The following BCAS3 variants were observed in gnomAD, a reference collection of about 807,000 sequenced individuals.
BCAS3 encodes BCAS3 microtubule associated cell migration factor.
Under a neutral mutation model 116.1 loss-of-function variants are expected in BCAS3, and 53 were observed. That is an observed-to-expected ratio of 0.46 (90% CI 0.37 to 0.57). BCAS3 has a LOEUF of 0.57. Ranked by LOEUF, BCAS3 falls within the 20% of genes least tolerant of loss-of-function variation. BCAS3 has a pLI of 0.00. For missense variants in BCAS3, 917 were observed against 1,165.4 expected (o/e 0.79, Z 3.10); for synonymous variants, 391 against 408.2 (o/e 0.96, Z 0.51).
chr17:60,862,056 G>A (rs1255249328), intron 7 of BCAS3, among the ~76,000 whole-genome samples: 1 of 152,204 alleles, frequency 6.6e-6, no homozygotes, highest in Non-Finnish European at 1.5e-5. Context: ...GGCCGAGGAG[G>A]GCGGATCATG....
intron 7 of BCAS3, among the ~76,000 whole-genome samples, chr17:60,863,103 AT>A (rs2054292977): frequency 6.6e-6 from 1 of 152,130 alleles, no homozygotes; most frequent in East Asian, 1.9e-4. Context: ...TTTTGGAGCA[AT>A]TTAATTTTTT....
rs2064837592 is a variant in BCAS3 at position 61,008,001 on chromosome 17, T to C, written c.1487-7750T>C. Among the ~76,000 whole-genome samples the C allele has an allele frequency of 6.6e-6, 1 of 152,022 alleles. No individual in the cohort carries two copies. Among genetic ancestry groups the C allele is most frequent in the South Asian group, 2.1e-4 (1 of 4,828 alleles). ...GTCTTTATTTGTCACCCAAACTGTT[T>C]GTTGTGTTTATAGTCTTTAAAAATG... is the stretch of plus-strand genomic sequence containing the variant. On this transcript the variant is annotated intron_variant, in intron 15 of 23. Transcript: ENST00000407086. The surrounding 1 kb of genome is among the most constrained non-coding windows in gnomAD (Gnocchi z 4.6).
intron 6 of BCAS3, among the ~76,000 whole-genome samples, chr17:60,785,218 G>A (rs1233233087): frequency 1.3e-5 from 2 of 152,136 alleles, no homozygotes; most frequent in Admixed American, 6.5e-5. Context: ...GAGTGCAGTG[G>A]TGCGATCTCG....
chr17:60,866,348 T>C (rs1346572205), intron 7 of BCAS3, among the ~76,000 whole-genome samples: 4 of 151,948 alleles, frequency 2.6e-5, no homozygotes, highest in African/African-American at 9.7e-5. Flanking sequence ...AGGCTGGTCT[T>C]GAACTCCCAA....
intron 22 of BCAS3, among the ~76,000 whole-genome samples, chr17:61,210,786 C>G (rs2081411851): frequency 6.6e-6 from 1 of 152,186 alleles, no homozygotes; most frequent in African/African-American, 2.4e-5. Context: ...AGCACACTCT[C>G]TATCCCATCT....
intron 22 of BCAS3, among the ~76,000 whole-genome samples, chr17:61,353,291 G>C (rs1472699735): frequency 6.6e-6 from 1 of 152,206 alleles, no homozygotes; most frequent in Non-Finnish European, 1.5e-5. Context: ...AGGGGGAGGG[G>C]AGTAGGGTGT....
Position 61,063,900 on chromosome 17 carries a change from C to T in BCAS3, c.2030-11020C>T, listed in dbSNP as rs1214154169. Among the ~76,000 whole-genome samples, 4 of 152,158 alleles carry T rather than the reference C, an allele frequency of 2.6e-5. No individual in the cohort carries two copies. The highest frequency in any genetic ancestry group is 1.3e-4 in the Admixed American group (2 of 15,278). On this transcript the variant is annotated intron_variant, in intron 19 of 23. Coordinates refer to ENST00000407086, the MANE Select transcript of BCAS3 (RefSeq NM_017679.5). This position sits in a 1 kb window ranked among gnomAD's most constrained non-coding sequence, Gnocchi z 5.3. ...AATACCATCTTGTCCCTTCTTAAAACGAACTATCCATTTGTAAACTGCTGA... is the reference window on the plus strand; with the variant it reads ...AATACCATCTTGTCCCTTCTTAAAATGAACTATCCATTTGTAAACTGCTGA...
At chr17:60,727,544 C>T (rs918995971) in intron 5 of BCAS3, 2 of 1,207,428 alleles carry the variant, frequency 1.7e-6, no homozygotes, top group African/African-American at 3.1e-5. Flanking sequence ...GAGACTCTCG[C>T]CTCGCAAAGC....
At chr17:60,997,852 G>GT (rs1359203284) in intron 15 of BCAS3, among the ~76,000 whole-genome samples, 4 of 151,986 alleles carry the variant, frequency 2.6e-5, no homozygotes, top group African/African-American at 9.7e-5. Context: ...ATTATTATTG[G>GT]TTTTTAAATT....
rs189437302 is a variant in BCAS3 at position 60,841,309 on chromosome 17, A to G, written c.477-27267A>G. On this transcript the variant is annotated intron_variant, in intron 7 of 23. Coordinates refer to ENST00000407086, the MANE Select transcript of BCAS3 (RefSeq NM_017679.5). The stretch of plus-strand genomic sequence containing the variant: ...CATTTTGTTGCAAAAGAGAGACTGG[A>G]TGGGTTATCTACTGGTATATAATGT... Among the ~76,000 whole-genome samples, 6 of 151,928 alleles carry G rather than the reference A, an allele frequency of 3.9e-5. No individual in the cohort carries two copies. The East Asian group carries it at 1.2e-3, about 29-fold the overall frequency.
At chr17:60,988,367 G>A (rs1212458934) in intron 14 of BCAS3, among the ~76,000 whole-genome samples, 1 of 48,784 alleles carries the variant, frequency 2.0e-5, no homozygotes, top group Non-Finnish European at 4.9e-5. Context: ...TTTTATGTAT[G>A]TGTTTGGTTT....
intron 14 of BCAS3, among the ~76,000 whole-genome samples, chr17:60,977,609 G>C (rs1247613283): frequency 6.6e-6 from 1 of 151,122 alleles, no homozygotes; most frequent in Non-Finnish European, 1.5e-5. Context: ...CCACTAACTC[G>C]TCATCTAGCA....
At position 61,227,481 on chromosome 17, in the gene BCAS3, A is replaced by G. The variant is rs1250332728; in HGVS notation, c.2426-140846A>G. ...AGGGACTGTAAGAAGTTTGAAACAG[A>G]AAAGGGCTTTCTTTAGCTTTTGGGA... On this transcript the variant is annotated intron_variant, in intron 22 of 23. Transcript: ENST00000407086. This position sits in a 1 kb window ranked among gnomAD's most constrained non-coding sequence, Gnocchi z 6.1. Among the ~76,000 whole-genome samples, 3 of 152,262 alleles carry G rather than the reference A, an allele frequency of 2.0e-5. No homozygotes were observed. Among genetic ancestry groups the G allele is most frequent in the African/African-American group, 7.2e-5 (3 of 41,472 alleles).
At chr17:60,703,265 ACT>A (rs1467647524) in intron 4 of BCAS3, among the ~76,000 whole-genome samples, 3 of 145,990 alleles carry the variant, frequency 2.1e-5, no homozygotes, top group African/African-American at 7.7e-5. Context: ...ACAGAGTGAG[ACT>A]CTGTCTCAAA....
Position 61,070,366 on chromosome 17 carries a change from AATATATATATATAT to A in BCAS3, c.2030-4533_2030-4520del, listed in dbSNP as rs55736464. ...AACTGAGTCCAGCTGCCTAATTCTG[AATATATATATATAT>A]ATATATATATATATATATATCTTTT... On this transcript the variant is annotated intron_variant, in intron 19 of 23. Coordinates refer to ENST00000407086, the MANE Select transcript of BCAS3 (RefSeq NM_017679.5). 1.1e-3 allele frequency: 344 copies of A among 313,922 alleles called. 26 individuals are homozygous for A. The highest frequency in any genetic ancestry group is 3.6e-3 in the East Asian group (39 of 10,936). The allele number at this position is 313,922 out of a possible 1,614,324, so 19.4% of individuals were successfully genotyped here.
chr17:61,257,349 A>T (rs915517356), intron 22 of BCAS3, among the ~76,000 whole-genome samples: 1 of 136,828 alleles, frequency 7.3e-6, no homozygotes, highest in African/African-American at 2.7e-5. Context: ...TGAACCTGGG[A>T]GGCGGAGGTT....
chr17:60,786,212 A>C (rs1199813461), intron 6 of BCAS3, among the ~76,000 whole-genome samples: 1 of 152,114 alleles, frequency 6.6e-6, no homozygotes, highest in Non-Finnish European at 1.5e-5. Context: ...AGAATGTGAG[A>C]ATATATATAG....
At chr17:61,314,521 T>C (rs1002525644) in intron 22 of BCAS3, among the ~76,000 whole-genome samples, 8 of 152,222 alleles carry the variant, frequency 5.3e-5, no homozygotes, top group Admixed American at 3.9e-4. Flanking sequence ...CTAATGACTC[T>C]ACAGTTCCTG....
rs555302092 is a variant in BCAS3, at chr17:61,141,139, T to G, written c.2425+56575T>G. Among the ~76,000 whole-genome samples the G allele has an allele frequency of 5.3e-5, 8 of 152,172 alleles. No homozygotes were observed. The highest frequency in any genetic ancestry group is 1.2e-4 in the Non-Finnish European group (8 of 68,046). ...TGCCCTAAGAACTTACACCTACTGG[T>G]TCATAAATGGTCATAAATGTTCAAC... On this transcript the variant is annotated intron_variant, in intron 22 of 23. Coordinates refer to ENST00000407086, the MANE Select transcript of BCAS3 (RefSeq NM_017679.5). This position sits in a 1 kb window ranked among gnomAD's most constrained non-coding sequence, Gnocchi z 4.3.
Sources: allele counts gnomAD v4.1 joint callset (sites outside exome capture counted in the v4.1 genomes callset), GRCh38; gene constraint gnomAD v4.1.1; non-coding constraint Gnocchi (gnomAD v3.1); transcripts MANE v1.5; gene names NCBI Gene and HGNC (gene_info 2026-07-23, HGNC 2026-07-21).